DENND4C: variants seen among roughly 807,000 people sequenced by gnomAD.
DENND4C encodes the protein DENN domain-containing protein 4C.
Under a neutral mutation model 203.0 loss-of-function variants are expected in DENND4C, and 108 were observed. The observed-to-expected ratio is 0.53, with a 90% CI of 0.46 to 0.62. DENND4C has a LOEUF of 0.62. Among genes scored for constraint, DENND4C ranks in the 20% least tolerant of loss-of-function variants. The probability of loss-of-function intolerance (pLI) is 0.00; values close to 1 mark genes in which losing one functional copy is unlikely to be tolerated. For missense variants in DENND4C, 2,481 were observed against 2,301.2 expected (o/e 1.08, Z -1.60); for synonymous variants, 871 against 792.4 (o/e 1.10, Z -1.67).
chr9:19,354,922 T>G (rs1023254774), intron 26 of DENND4C, among the ~76,000 whole-genome samples: 2 of 151,462 alleles, frequency 1.3e-5, no homozygotes, highest in African/African-American at 4.9e-5. Context: ...GTTTGTTTTT[T>G]TTTTTGAGAT....
At chr9:19,355,499 A>G (rs1316352054) in intron 26 of DENND4C, among the ~76,000 whole-genome samples, 1 of 152,116 alleles carries the variant, frequency 6.6e-6, no homozygotes, top group Non-Finnish European at 1.5e-5. Flanking sequence ...TTTTTCCTCC[A>G]TGTAACAATC....
intron 1 of DENND4C, among the ~76,000 whole-genome samples, chr9:19,236,637 A>G (rs1430607329): frequency 6.6e-6 from 1 of 152,222 alleles, no homozygotes; most frequent in Non-Finnish European, 1.5e-5. Flanking sequence ...TTCATCATCC[A>G]GAACATCTTG....
At chr9:19,274,760 TG>T (rs1384242080) in intron 1 of DENND4C, among the ~76,000 whole-genome samples, 5 of 152,240 alleles carry the variant, frequency 3.3e-5, no homozygotes, top group Admixed American at 1.3e-4. Flanking sequence ...GAGTTCTAAC[TG>T]GATTGTTGAG....
At chr9:19,274,382 G>T (rs1393263073) in intron 1 of DENND4C, among the ~76,000 whole-genome samples, 2 of 151,702 alleles carry the variant, frequency 1.3e-5, no homozygotes, top group African/African-American at 4.9e-5. Context: ...CGCAACCTCC[G>T]CCTACCGGGT....
At chr9:19,301,147 C>T (rs377756694) in intron 9 of DENND4C, among the ~76,000 whole-genome samples, 1 of 150,610 alleles carries the variant, frequency 6.6e-6, no homozygotes, top group Admixed American at 6.6e-5. Flanking sequence ...CATTGCACTC[C>T]AGCCTGGGCA....
Position 19,286,777 on chromosome 9 carries a change from A to T in DENND4C, c.314A>T (p.Tyr105Phe). ...KPPLTDIGVL[Y>F]EGKERLIPGC... The stretch of plus-strand genomic sequence containing the variant: ...CCCTTCCTGCCATGCAGAGTTCTAT[A>T]TGAAGGGAAAGAACGGCTTATTCCA... Residue 105 changes from tyrosine (Y) to phenylalanine (F), a missense_variant, in exon 3 of 33, where the codon TAT becomes TTT. This residue lies in a region of DENND4C where 187 missense variants were observed against 167.4 expected (regional missense o/e 1.12). Transcript: ENST00000434457. The T allele has an allele frequency of 8.1e-7, 1 of 1,232,106 alleles. No homozygotes were observed. The highest frequency in any genetic ancestry group is 4.1e-5 in the South Asian group (1 of 24,318). The allele number at this position is 1,232,106 out of a possible 1,614,324, so 76.3% of individuals were successfully genotyped here. A position where few individuals can be genotyped will look rare whatever the true frequency, so the allele number is the denominator to read the frequency against.
chr9:19,258,847 G>A (rs1474430209), intron 1 of DENND4C, among the ~76,000 whole-genome samples: 1 of 151,962 alleles, frequency 6.6e-6, no homozygotes, highest in Non-Finnish European at 1.5e-5. Flanking sequence ...TAGAGACGGG[G>A]TTTCACCATG....
At chr9:19,335,243 T>A in intron 18 of DENND4C, 138 bp downstream of exon 18, 1 of 446,242 alleles carries the variant, frequency 2.2e-6, no homozygotes, top group Middle Eastern at 7.6e-4. Flanking sequence ...TTATTAAAAA[T>A]TGACAAAAAG....
chr9:19,234,552 T>TTTA (rs397764386), intron 1 of DENND4C, among the ~76,000 whole-genome samples: 9 of 146,294 alleles, frequency 6.2e-5, no homozygotes, highest in South Asian at 4.4e-4. Context: ...TTTTTTTTTT[T>TTTA]AACACGGTCT....
intron 16 of DENND4C, 49 bp from the exon 17 acceptor site, chr9:19,331,929 C>A: frequency 6.7e-7 from 1 of 1,502,742 alleles, no homozygotes; most frequent in Non-Finnish European, 9.1e-7. Flanking sequence ...CTTCTCCCCT[C>A]ACCCTAATGA....
At chr9:19,247,614 C>T (rs1165923722) in intron 1 of DENND4C, among the ~76,000 whole-genome samples, 3 of 151,998 alleles carry the variant, frequency 2.0e-5, no homozygotes, top group Admixed American at 6.6e-5. Context: ...AGGCTGGTCT[C>T]GAACACCTGG....
intron 1 of DENND4C, among the ~76,000 whole-genome samples, chr9:19,254,660 T>A (rs1198406605): frequency 1.3e-5 from 2 of 152,184 alleles, no homozygotes; most frequent in African/African-American, 4.8e-5. Context: ...ATTGCTTACT[T>A]GAAATTTGAT....
At chr9:19,308,967 T>A (rs1410531728) in intron 10 of DENND4C, among the ~76,000 whole-genome samples, 1 of 152,208 alleles carries the variant, frequency 6.6e-6, no homozygotes, top group Non-Finnish European at 1.5e-5. Context: ...GAAAACATTA[T>A]GTTAAAAGAC....
intron 2 of DENND4C, among the ~76,000 whole-genome samples, chr9:19,281,178 T>C (rs1422093869): frequency 6.6e-6 from 1 of 152,198 alleles, no homozygotes; most frequent in African/African-American, 2.4e-5. Flanking sequence ...CTTACGTAAT[T>C]ATATGTAGGT....
chr9:19,272,104 A>T (rs894973741), intron 1 of DENND4C, among the ~76,000 whole-genome samples: 6 of 149,508 alleles, frequency 4.0e-5, no homozygotes, highest in African/African-American at 1.5e-4. Context: ...AAAGGATAGT[A>T]TTTTTTTTTT....
In DENND4C at chr9:19,299,436, G is replaced by T. The variant is rs922852140; in HGVS notation, c.1166+149G>T. 3 of 533,612 alleles carry T rather than the reference G, an allele frequency of 5.6e-6. No individual in the cohort carries two copies. The African/African-American group carries it at 6.1e-5, about 11-fold the overall frequency. 33.1% of individuals were successfully genotyped at this position (533,612 alleles called of 1,614,324 possible). A position where few individuals can be genotyped will look rare whatever the true frequency, so the allele number is the denominator to read the frequency against. On this transcript the variant is annotated intron_variant, in intron 8 of 32. Transcript: ENST00000434457. ...AAAACTAGGCAAAAATAGCCTTAATGTTTCTGACTTTGGTAACTGGGTGGA... is the reference window on the plus strand; with the variant it reads ...AAAACTAGGCAAAAATAGCCTTAATTTTTCTGACTTTGGTAACTGGGTGGA...
At chr9:19,267,493 C>T (rs918239661) in intron 1 of DENND4C, among the ~76,000 whole-genome samples, 1 of 151,914 alleles carries the variant, frequency 6.6e-6, no homozygotes, top group African/African-American at 2.4e-5. Context: ...CTGTGTGTAT[C>T]TTTATAGGTG....
chr9:19,262,981 C>T (rs1211519252), intron 1 of DENND4C, among the ~76,000 whole-genome samples: 1 of 152,162 alleles, frequency 6.6e-6, no homozygotes, highest in African/African-American at 2.4e-5. Context: ...TGTTGAATAA[C>T]AGTATTGAAA....
intron 9 of DENND4C, among the ~76,000 whole-genome samples, chr9:19,303,327 A>G (rs1340485444): frequency 2.0e-5 from 3 of 152,114 alleles, no homozygotes; most frequent in African/African-American, 7.2e-5. Context: ...TTCCTGCTAG[A>G]CAAGGTGTTT....
Sources: allele counts gnomAD v4.1 joint callset (sites outside exome capture counted in the v4.1 genomes callset), GRCh38; gene constraint gnomAD v4.1.1; regional missense constraint gnomAD v4.1.1; transcripts MANE v1.5; gene names NCBI Gene and HGNC (gene_info 2026-07-23, HGNC 2026-07-21).